NUDT10: variants seen among roughly 807,000 people sequenced by gnomAD.
NUDT10 encodes diphosphoinositol polyphosphate phosphohydrolase 3-alpha.
A neutral mutation model predicts 10.5 loss-of-function variants in NUDT10; 2 were observed. That is an observed-to-expected ratio of 0.19 (90% CI 0.08 to 0.60). The LOEUF is 0.60. Ranked by LOEUF, NUDT10 falls within the 20% of genes least tolerant of loss-of-function variation. The probability of loss-of-function intolerance (pLI) is 0.89; values close to 1 mark genes in which losing one functional copy is unlikely to be tolerated. For missense variants in NUDT10, 75 were observed against 149.5 expected, an observed-to-expected ratio of 0.50 and a Z score of 2.60; for synonymous variants, 53 against 71.8, an observed-to-expected ratio of 0.74 and a Z score of 1.32.
chrX:51,332,684 C>T (rs1448324478), upstream of NUDT10: 1 of 364,017 alleles, frequency 2.7e-6, no homozygotes, highest in Non-Finnish European at 4.7e-6. Flanking sequence ...GCAGCGCCTC[C>T]TCCACTCCGG....
intron 1 of NUDT10, 108 bp downstream of exon 1, chrX:51,333,567 GGCTTTTGTTT>G: frequency 9.5e-7 from 1 of 1,051,793 alleles, no homozygotes; most frequent in Non-Finnish European, 1.3e-6. Flanking sequence ...GCAGGAGGGA[GGCTTTTGTTT>G]CCTTGGCAGA....
At chrX:51,336,017 C>T (rs1418502195) in intron 1 of NUDT10, among the ~76,000 whole-genome samples, 3 of 111,894 alleles carry the variant, frequency 2.7e-5, no homozygotes, top group Admixed American at 9.5e-5. Flanking sequence ...GAAATGTCTA[C>T]AAGTGTATTC....
rs1922839161 is a variant in NUDT10 at position 51,336,338 on chromosome X, TC to T, written c.*101del. ...GAAGCACAGATGAGCTCTTTCACAC[TC>T]CAAGGACACAGCTCATCCTATGCTT... On this transcript the variant is annotated 3_prime_UTR_variant, in exon 2 of 2. Transcript: ENST00000356450. 7.9e-6 allele frequency: 4 copies of T among 506,128 alleles called. No homozygotes were observed. The highest frequency in any genetic ancestry group is 1.4e-5 in the Non-Finnish European group (4 of 278,008). The allele number at this position is 506,128 out of a possible 1,213,427, so 41.7% of individuals were successfully genotyped here. A position where few individuals can be genotyped will look rare whatever the true frequency, so the allele number is the denominator to read the frequency against.
chrX:51,335,328 G>C (rs907790708), intron 1 of NUDT10, among the ~76,000 whole-genome samples: 1 of 87,179 alleles, frequency 1.1e-5, no homozygotes, highest in Non-Finnish European at 2.3e-5. Context: ...AAAAAAAAAA[G>C]ACTGATTTTC....
upstream of NUDT10, chrX:51,332,447 G>A (rs1290190881): frequency 8.6e-6 from 1 of 116,053 alleles, no homozygotes; most frequent in Non-Finnish European, 1.8e-5. Flanking sequence ...GCGCCAAGGA[G>A]GTTCCTGGCC....
At position 51,336,354 on chromosome X, in the gene NUDT10, A is replaced by T. The variant is rs1335893155; in HGVS notation, c.*115A>T. On this transcript the variant is annotated 3_prime_UTR_variant, in exon 2 of 2. Transcript: ENST00000356450. The stretch of plus-strand genomic sequence containing the variant: ...CTTTCACACTCCAAGGACACAGCTC[A>T]TCCTATGCTTTTGGACACTTCTTCC... 3 of 464,315 alleles carry T rather than the reference A, an allele frequency of 6.5e-6. No individual in the cohort carries two copies. In the African/African-American group the frequency reaches 7.3e-5, roughly 11 times the overall value. The allele number at this position is 464,315 out of a possible 1,213,427, so 38.3% of individuals were successfully genotyped here.
chrX:51,334,264 G>A (rs1441446421), intron 1 of NUDT10, among the ~76,000 whole-genome samples: 2 of 111,779 alleles, frequency 1.8e-5, no homozygotes, highest in Non-Finnish European at 3.8e-5. Context: ...GATGCTGCTG[G>A]GGATCTGCTA....
In NUDT10 at chrX:51,336,173, A is replaced by G. The variant is rs782445352; in HGVS notation, c.*-66A>G. ...GATGAGCCATAGTAGGTGCTCAATA[A>G]GTATTTGTTGATTAGAGGAATGGAT... On this transcript the variant is annotated intron_variant, in intron 1 of 1. Transcript: ENST00000356450. 1.0e-4 allele frequency: 55 copies of G among 533,796 alleles called. No individual in the cohort carries two copies. In the South Asian group the frequency reaches 1.5e-3, roughly 14 times the overall value. 44.0% of individuals were successfully genotyped at this position (533,796 alleles called of 1,213,427 possible).
intron 1 of NUDT10, among the ~76,000 whole-genome samples, chrX:51,334,855 A>G (rs2098107638): frequency 9.0e-6 from 1 of 111,194 alleles, no homozygotes; most frequent in African/African-American, 3.3e-5. Context: ...ATTGACAGGT[A>G]TTGGGGTCCC....
At position 51,337,091 on chromosome X, in the gene NUDT10, A is replaced by G. The variant is rs1557312816; in HGVS notation, c.*852A>G. 1 of 112,359 alleles carries G rather than the reference A, an allele frequency of 8.9e-6. No homozygotes were observed. Among genetic ancestry groups the G allele is most frequent in the African/African-American group, 3.2e-5 (1 of 30,936 alleles). 9.3% of individuals were successfully genotyped at this position (112,359 alleles called of 1,213,427 possible). On this transcript the variant is annotated 3_prime_UTR_variant, in exon 2 of 2. Coordinates refer to ENST00000356450, the MANE Select transcript of NUDT10 (RefSeq NM_001304963.2). ...ACACATGACCTAGTTTCTTCTGTAA[A>G]TAACTTGCAAGGATGAAAGATGGAG... is the stretch of plus-strand genomic sequence containing the variant.
chrX:51,335,861 A>G (rs781857451), intron 1 of NUDT10, among the ~76,000 whole-genome samples: 8 of 112,227 alleles, frequency 7.1e-5, no homozygotes, highest in African/African-American at 2.6e-4. Context: ...TCATTCTTGT[A>G]TTGCAATCAT....
intron 1 of NUDT10, among the ~76,000 whole-genome samples, chrX:51,334,075 G>A (rs1602071457): frequency 1.8e-5 from 2 of 111,905 alleles, no homozygotes; most frequent in South Asian, 7.5e-4. Context: ...CCTACATCTT[G>A]TGCTCTTTCT....
At position 51,337,389 on chromosome X, in the gene NUDT10, A is replaced by T. The variant is rs1351516526; in HGVS notation, c.*1150A>T. 1 of 111,893 alleles carries T rather than the reference A, an allele frequency of 8.9e-6. No homozygotes were observed. Among genetic ancestry groups the T allele is most frequent in the African/African-American group, 3.3e-5 (1 of 30,763 alleles). The allele number at this position is 111,893 out of a possible 1,213,427, so 9.2% of individuals were successfully genotyped here. A position where few individuals can be genotyped will look rare whatever the true frequency, so the allele number is the denominator to read the frequency against. ...AATAATAAGTCTGGATGTTAAGTGC[A>T]TTGGAAATATTGATGAAACGAAATT... is the stretch of plus-strand genomic sequence containing the variant. On this transcript the variant is annotated 3_prime_UTR_variant, in exon 2 of 2. Transcript: ENST00000356450.
At chrX:51,332,707 C>A, upstream of NUDT10, 3 of 388,065 alleles carry the variant, frequency 7.7e-6, no homozygotes, top group Non-Finnish European at 1.3e-5. Context: ...GGCCCGGGTT[C>A]GGCCGGCCGC....
In NUDT10 at chrX:51,332,916, G is replaced by GCGT. The variant is rs781989478; in HGVS notation, c.-47_-45dup. The stretch of plus-strand genomic sequence containing the variant: ...CTGCTGCCCGGCAGCGGCAGCAGCT[G>GCGT]CGTCGGCGGCCCACACAGCAGCGAG... On this transcript the variant is annotated 5_prime_UTR_variant, in exon 1 of 2. Coordinates refer to ENST00000356450, the MANE Select transcript of NUDT10 (RefSeq NM_001304963.2). The GCGT allele has an allele frequency of 1.2e-6, 1 of 856,622 alleles. No homozygotes were observed. 70.6% of individuals were successfully genotyped at this position (856,622 alleles called of 1,213,427 possible). A position where few individuals can be genotyped will look rare whatever the true frequency, so the allele number is the denominator to read the frequency against.
At chrX:51,335,104 G>C (rs1181492235) in intron 1 of NUDT10, among the ~76,000 whole-genome samples, 4 of 110,226 alleles carry the variant, frequency 3.6e-5, no homozygotes, top group South Asian at 7.8e-4. Context: ...CAGATAACGA[G>C]GTTAGGAGAT....
rs1922842174 is a variant in NUDT10 at position 51,336,468 on chromosome X, G to A, written c.*229G>A. On this transcript the variant is annotated 3_prime_UTR_variant, in exon 2 of 2. Transcript: ENST00000356450. ...ACTTGGCACCTGTGGCCTTTTTTGT[G>A]CTCTTATGTGTCTGTATTTCCCGGC... 3.3e-6 allele frequency: 1 copy of A among 305,759 alleles called. No homozygotes were observed. The allele number at this position is 305,759 out of a possible 1,213,427, so 25.2% of individuals were successfully genotyped here.
chrX:51,335,759 A>T (rs1247258947), intron 1 of NUDT10, among the ~76,000 whole-genome samples: 1 of 112,185 alleles, frequency 8.9e-6, no homozygotes, highest in African/African-American at 3.2e-5. Context: ...GGGAAAAGGG[A>T]GATTAGAGCT....
chrX:51,332,593 C>T (rs1557312149), upstream of NUDT10, among the ~76,000 whole-genome samples: 1 of 113,039 alleles, frequency 8.8e-6, no homozygotes, highest in Non-Finnish European at 1.9e-5. Context: ...CGCACGTGAA[C>T]GGGAGCGCGG....
Sources: allele counts gnomAD v4.1 joint callset (sites outside exome capture counted in the v4.1 genomes callset), GRCh38; gene constraint gnomAD v4.1.1; transcripts MANE v1.5; gene names NCBI Gene and HGNC (gene_info 2026-07-23, HGNC 2026-07-21).